The following DPY19L3 variants were observed in gnomAD, a reference collection of about 807,000 sequenced individuals.
The protein encoded by DPY19L3 is dpy-19 like C-mannosyltransferase 3, also known as protein C-mannosyl-transferase DPY19L3.
Under a neutral mutation model 92.3 loss-of-function variants are expected in DPY19L3, and 51 were observed. That is an observed-to-expected ratio of 0.55 (90% confidence interval 0.44 to 0.70). The LOEUF (loss-of-function observed/expected upper bound fraction) is 0.70. Ranked by LOEUF, DPY19L3 falls within the 30% of genes least tolerant of loss-of-function variation. The pLI is 0.00. For synonymous variants in DPY19L3, 309 were observed against 315.2 expected (o/e 0.98, Z 0.21); for missense variants, 706 against 855.9 (o/e 0.82, Z 2.18).
Position 32,482,775 on chromosome 19 carries a change from A to T in DPY19L3, c.*535A>T, listed in dbSNP as rs980785829. On this transcript the variant is annotated 3_prime_UTR_variant, in exon 19 of 19. Coordinates refer to ENST00000392250, the MANE Select transcript of DPY19L3 (RefSeq NM_001172774.2). ...TGTCATGCTGTCAACATTAACAAAAAAAATCATGTTAAGGCTTTGTATCAA... is the reference window on the plus strand; with the variant it reads ...TGTCATGCTGTCAACATTAACAAAATAAATCATGTTAAGGCTTTGTATCAA... 2.0e-5 allele frequency: 3 copies of T among 153,302 alleles called. No homozygotes were observed. The highest frequency in any genetic ancestry group is 7.2e-5 in the African/African-American group (3 of 41,472). The allele number at this position is 153,302 out of a possible 1,614,324, so 9.5% of individuals were successfully genotyped here.
chr19:32,425,492 A>C (rs1188757492), intron 3 of DPY19L3, among the ~76,000 whole-genome samples: 3 of 152,076 alleles, frequency 2.0e-5, no homozygotes, highest in African/African-American at 7.2e-5. Flanking sequence ...CAGAGGTTGC[A>C]GTGAGCTGAG....
intron 6 of DPY19L3, among the ~76,000 whole-genome samples, chr19:32,438,274 G>A (rs1230262136): frequency 3.3e-5 from 5 of 152,026 alleles, no homozygotes; most frequent in African/African-American, 7.2e-5. Flanking sequence ...GTCCTGTTGG[G>A]GGTTTACTGT....
chr19:32,426,162 A>G (rs1330858767), intron 3 of DPY19L3, among the ~76,000 whole-genome samples: 1 of 152,182 alleles, frequency 6.6e-6, no homozygotes, highest in Non-Finnish European at 1.5e-5. Flanking sequence ...AACCTCATGA[A>G]CCAACCTCTG....
At chr19:32,418,774 G>A (rs561945962) in intron 3 of DPY19L3, among the ~76,000 whole-genome samples, 9 of 152,122 alleles carry the variant, frequency 5.9e-5, no homozygotes, top group Non-Finnish European at 1.2e-4. Context: ...TTTTATTTTT[G>A]AATACTTTGA....
intron 3 of DPY19L3, among the ~76,000 whole-genome samples, chr19:32,421,763 TG>T (rs1177498136): frequency 6.6e-6 from 1 of 151,686 alleles, no homozygotes; most frequent in Non-Finnish European, 1.5e-5. Flanking sequence ...GACCATGGGA[TG>T]GGTGTGCAGG....
intron 8 of DPY19L3, among the ~76,000 whole-genome samples, 191 bp downstream of exon 8, chr19:32,440,101 G>A (rs941861727): frequency 2.0e-5 from 3 of 152,038 alleles, no homozygotes; most frequent in Non-Finnish European, 4.4e-5. Flanking sequence ...ACTTTTATTC[G>A]CTTATTTTAA....
intron 8 of DPY19L3, among the ~76,000 whole-genome samples, chr19:32,442,603 G>A (rs1455750623): frequency 1.3e-5 from 2 of 152,080 alleles, no homozygotes; most frequent in Non-Finnish European, 1.5e-5. Context: ...GAGTTTCTTG[G>A]GTTTTCTTTT....
In DPY19L3 at chr19:32,468,766, G is replaced by A; in HGVS notation, c.1650G>A (p.Leu550=). 2 of 1,613,936 alleles carry A rather than the reference G, an allele frequency of 1.2e-6. No homozygotes were observed. The highest frequency in any genetic ancestry group is 2.2e-5 in the East Asian group (1 of 44,832). The change falls in exon 16 of 19, where the codon TTG becomes TTA. Residue 550 remains leucine, a synonymous_variant. Transcript: ENST00000392250. ...WPGMMDELSE[L]REFYDPDTVE... Reference sequence around the variant, plus strand: ...GAATGATGGATGAACTCTCCGAGTTGAGAGAATTCTATGATCCAGATACAG... The same window carrying A: ...GAATGATGGATGAACTCTCCGAGTTAAGAGAATTCTATGATCCAGATACAG...
At chr19:32,435,985 C>T (rs1866110523) in intron 4 of DPY19L3, among the ~76,000 whole-genome samples, 2 of 152,240 alleles carry the variant, frequency 1.3e-5, no homozygotes, top group Admixed American at 6.5e-5. Flanking sequence ...CTGGTAGAAA[C>T]ATGCCTTGTC....
At chr19:32,466,454 G>T (rs951287041) in intron 15 of DPY19L3, among the ~76,000 whole-genome samples, 2 of 152,238 alleles carry the variant, frequency 1.3e-5, no homozygotes, top group Non-Finnish European at 2.9e-5. Flanking sequence ...ATTCTTTGCC[G>T]CTGGGGGCGG....
At chr19:32,409,390 C>G (rs1968098756) in intron 2 of DPY19L3, among the ~76,000 whole-genome samples, 1 of 152,126 alleles carries the variant, frequency 6.6e-6, no homozygotes, top group Admixed American at 6.5e-5. Context: ...GAAATATCAT[C>G]TATGTAAAGT....
At chr19:32,424,060 C>T (rs539699909) in intron 3 of DPY19L3, among the ~76,000 whole-genome samples, 3 of 151,688 alleles carry the variant, frequency 2.0e-5, no homozygotes, top group Non-Finnish European at 2.9e-5. Context: ...TCACAGCTGT[C>T]GTCTCAGCAC....
At chr19:32,413,374 G>T (rs1448948363) in intron 3 of DPY19L3, among the ~76,000 whole-genome samples, 3 of 152,026 alleles carry the variant, frequency 2.0e-5, no homozygotes, top group South Asian at 2.1e-4. Context: ...TTTAAAACTT[G>T]CTGTGTTACT....
rs1358042874 is a variant in DPY19L3, at chr19:32,463,937, G to C, written c.1514G>C (p.Trp505Ser). 2 of 1,613,152 alleles carry C rather than the reference G, an allele frequency of 1.2e-6. No individual in the cohort carries two copies. Residue 505 changes from tryptophan (W) to serine (S), a missense_variant, in exon 14 of 19, where the codon TGG (tryptophan) becomes TCG (serine). Trp to Ser is a radical substitution (Grantham distance 177). Coordinates refer to ENST00000392250, the MANE Select transcript of DPY19L3 (RefSeq NM_001172774.2). ...ASFGLCSPEI[W>S]ELLLKSVHLY... is the part of the protein sequence containing the mutation. ...TTCGGCCTATGTAGCCCTGAAATAT[G>C]GGAGTTACTTCTGAAGTCAGTCCAT...
intron 3 of DPY19L3, among the ~76,000 whole-genome samples, chr19:32,418,208 C>T (rs923737724): frequency 2.1e-4 from 32 of 152,326 alleles, no homozygotes; most frequent in African/African-American, 7.5e-4. Context: ...AGCTCAGAGT[C>T]GTATCCATTT....
chr19:32,408,179 A>T, intron 1 of DPY19L3, 38 bp from the exon 2 acceptor site: 1 of 1,016,726 alleles, frequency 9.8e-7, no homozygotes, highest in Non-Finnish European at 1.5e-6. Context: ...TGTTGGGGAG[A>T]AGGCACTGAC....
intron 1 of DPY19L3, among the ~76,000 whole-genome samples, chr19:32,407,368 G>C (rs762315749): frequency 4.2e-4 from 63 of 149,100 alleles, no homozygotes; most frequent in Non-Finnish European, 7.2e-4. Flanking sequence ...GAAGCTGCCA[G>C]TGTGAATTGT....
intron 2 of DPY19L3, among the ~76,000 whole-genome samples, chr19:32,410,121 A>C (rs1968126517): frequency 6.6e-6 from 1 of 152,184 alleles, no homozygotes; most frequent in African/African-American, 2.4e-5. Context: ...AAAGCTGTCA[A>C]ATTGGCCAAG....
In DPY19L3 at chr19:32,454,573, CAAAAG is replaced by C. The variant is rs570659671; in HGVS notation, c.988-361_988-357del. ...TGGGCAGCAGAGTGAGACTCCGTCT[CAAAAG>C]AAAAAGAAAAAAAGAAAAAGATGTA... is the stretch of plus-strand genomic sequence containing the variant. On this transcript the variant is annotated intron_variant, in intron 9 of 18. Coordinates refer to ENST00000392250, the MANE Select transcript of DPY19L3 (RefSeq NM_001172774.2). Among the ~76,000 whole-genome samples, 234 of 151,634 alleles carry C rather than the reference CAAAAG, an allele frequency of 1.5e-3. 1 individual carries two copies. Among genetic ancestry groups the C allele is most frequent in the African/African-American group, 4.5e-3 (187 of 41,318 alleles).
Sources: allele counts gnomAD v4.1 joint callset (sites outside exome capture counted in the v4.1 genomes callset), GRCh38; gene constraint gnomAD v4.1.1; transcripts MANE v1.5; gene names NCBI Gene and HGNC (gene_info 2026-07-23, HGNC 2026-07-21).